The following VAPA variants were observed in gnomAD, a reference collection of about 807,000 sequenced individuals.
The protein encoded by VAPA is vesicle-associated membrane protein-associated protein A.
VAPA carries 6 observed loss-of-function variants against 25.6 expected under a neutral mutation model. The observed-to-expected ratio is 0.23, with a 90% CI of 0.13 to 0.46. VAPA has a LOEUF of 0.46. Ranked by LOEUF, VAPA falls within the 20% of genes least tolerant of loss-of-function variation. The pLI is 0.99. For missense variants in VAPA, 244 were observed against 302.1 expected (o/e 0.81, Z 1.43); for synonymous variants, 112 against 106.2 (o/e 1.05, Z -0.34).
In VAPA at chr18:9,954,400, C is replaced by T; in HGVS notation, c.*189C>T. 1 of 561,132 alleles carries T rather than the reference C, an allele frequency of 1.8e-6. No homozygotes were observed. The highest frequency in any genetic ancestry group is 2.5e-5 in the South Asian group (1 of 39,994). 34.8% of individuals were successfully genotyped at this position (561,132 alleles called of 1,614,324 possible). ...ACAATAAAAACAAACTGTTCGGCTA[C>T]TGGACAGGTTGTATATTACCAGATC... On this transcript the variant is annotated 3_prime_UTR_variant, in exon 6 of 6. Coordinates refer to ENST00000400000, the MANE Select transcript of VAPA (RefSeq NM_194434.3).
chr18:9,945,549 A>G (rs1248057223), intron 4 of VAPA, among the ~76,000 whole-genome samples: 3 of 151,350 alleles, frequency 2.0e-5, no homozygotes, highest in South Asian at 2.1e-4. Flanking sequence ...TTTGGTAGAG[A>G]TGGGGTTTCA....
In VAPA at chr18:9,945,073, G is replaced by T. The variant is rs760681055; in HGVS notation, c.418-5322G>T. 8.7e-6 allele frequency: 14 copies of T among 1,611,880 alleles called. No individual in the cohort carries two copies. In the South Asian group the frequency reaches 1.5e-4, roughly 18 times the overall value. ...AGAAACAGAAGGTTTGTTATAGGGA[G>T]TTAACAGACTTAGGAGTCTACTAGT... is the stretch of plus-strand genomic sequence containing the variant. On this transcript the variant is annotated intron_variant, in intron 4 of 5. Coordinates refer to ENST00000400000, the MANE Select transcript of VAPA (RefSeq NM_194434.3).
intron 1 of VAPA, among the ~76,000 whole-genome samples, chr18:9,916,562 A>G (rs1374447094): frequency 6.6e-6 from 1 of 152,186 alleles, no homozygotes; most frequent in Non-Finnish European, 1.5e-5. Flanking sequence ...AAAGATGGAG[A>G]TGATGGGGAG....
rs1457902140 is a variant in VAPA at position 9,958,729 on chromosome 18, T to A, written c.*4518T>A. ...GGGAACTTAAAATACTTATTTTTCTTTAAACTGCAGGAGTCACTGTTAGGT... is the reference window on the plus strand; with the variant it reads ...GGGAACTTAAAATACTTATTTTTCTATAAACTGCAGGAGTCACTGTTAGGT... On this transcript the variant is annotated 3_prime_UTR_variant, in exon 6 of 6. Coordinates refer to ENST00000400000, the MANE Select transcript of VAPA (RefSeq NM_194434.3). 1 of 152,212 alleles carries A rather than the reference T, an allele frequency of 6.6e-6. No individual in the cohort carries two copies. Among genetic ancestry groups the A allele is most frequent in the Non-Finnish European group, 1.5e-5 (1 of 68,030 alleles). 9.4% of individuals were successfully genotyped at this position (152,212 alleles called of 1,614,324 possible). A position where few individuals can be genotyped will look rare whatever the true frequency, so the allele number is the denominator to read the frequency against.
chr18:9,918,486 C>T (rs2069130717), intron 1 of VAPA, among the ~76,000 whole-genome samples: 1 of 152,074 alleles, frequency 6.6e-6, no homozygotes, highest in Non-Finnish European at 1.5e-5. Flanking sequence ...CTTACTTGAC[C>T]TCCCCCTGGC....
At chr18:9,950,609 G>T in intron 5 of VAPA, 41 bp downstream of exon 5, 1 of 1,594,738 alleles carries the variant, frequency 6.3e-7, no homozygotes, top group Non-Finnish European at 8.5e-7. Context: ...TGAAATGAAG[G>T]TATAGGACAT....
chr18:9,932,762 C>T (rs927782478), intron 2 of VAPA, among the ~76,000 whole-genome samples: 1 of 152,186 alleles, frequency 6.6e-6, no homozygotes, highest in African/African-American at 2.4e-5. Flanking sequence ...GGAGCAGGAA[C>T]ACACATGGAT....
At chr18:9,926,827 A>G (rs989023640) in intron 1 of VAPA, among the ~76,000 whole-genome samples, 1 of 152,144 alleles carries the variant, frequency 6.6e-6, no homozygotes, top group South Asian at 2.1e-4. Context: ...TCACTATTTA[A>G]TACATTCTTG....
intron 1 of VAPA, among the ~76,000 whole-genome samples, chr18:9,931,559 G>A (rs922314082): frequency 6.6e-6 from 1 of 152,110 alleles, no homozygotes; most frequent in African/African-American, 2.4e-5. Context: ...AAGTTTCATA[G>A]TACTTTTTTG....
intron 1 of VAPA, among the ~76,000 whole-genome samples, chr18:9,931,212 G>C (rs1365892006): frequency 1.3e-5 from 2 of 152,136 alleles, no homozygotes; most frequent in Non-Finnish European, 2.9e-5. Context: ...CAGCAAAATG[G>C]ATCAGCCTTT....
At chr18:9,946,936 T>A (rs992834311) in intron 4 of VAPA, among the ~76,000 whole-genome samples, 3 of 152,250 alleles carry the variant, frequency 2.0e-5, no homozygotes, top group African/African-American at 7.2e-5. Context: ...TTCTATTTTT[T>A]AAATAAGATT....
rs574066364 is a variant in VAPA, at chr18:9,918,529, A to C, written c.79+4194A>C. Among the ~76,000 whole-genome samples the C allele has an allele frequency of 2.6e-3, 391 of 152,134 alleles. 6 individuals carry two copies. The highest frequency in any genetic ancestry group is 1.3e-3 in the Non-Finnish European group (89 of 68,002). ...AGTACCGACAGTTTCTCTAAAAAAA[A>C]CCCTCAATTCTTCTGGCTTCTATAA... On this transcript the variant is annotated intron_variant, in intron 1 of 5. Coordinates refer to ENST00000400000, the MANE Select transcript of VAPA (RefSeq NM_194434.3).
At chr18:9,945,265 A>G (rs2069410018) in intron 4 of VAPA, among the ~76,000 whole-genome samples, 1 of 152,068 alleles carries the variant, frequency 6.6e-6, no homozygotes, top group South Asian at 2.1e-4. Flanking sequence ...AACTTAACTA[A>G]AATCTATATA....
intron 4 of VAPA, chr18:9,950,074 T>G (rs1341876573): frequency 1.3e-5 from 3 of 235,576 alleles, no homozygotes; most frequent in African/African-American, 7.0e-5. Context: ...ATAACTACTC[T>G]TGACCAAAGT....
rs1007608634 is a variant in VAPA, at chr18:9,936,366, TAAAG to T, written c.336+156_336+159del. 1.5e-5 allele frequency: 7 copies of T among 454,468 alleles called. No homozygotes were observed. In the South Asian group the frequency reaches 2.4e-4, roughly 15 times the overall value. 28.2% of individuals were successfully genotyped at this position (454,468 alleles called of 1,614,324 possible). ...TTCTTCATTATAGATAATCCTAACT[TAAAG>T]AATGAAAGAATTTTTAAATAGTATT... On this transcript the variant is annotated intron_variant, in intron 3 of 5. Transcript: ENST00000400000.
At chr18:9,936,476 C>T (rs1229450827) in intron 3 of VAPA, 5 of 251,864 alleles carry the variant, frequency 2.0e-5, no homozygotes, top group Non-Finnish European at 3.7e-5. Context: ...TTTGGGAGGC[C>T]AAGATGGGAG....
rs2069540571 is a variant in VAPA, at chr18:9,955,613, G to A, written c.*1402G>A. 6.6e-6 allele frequency: 1 copy of A among 152,152 alleles called. No individual in the cohort carries two copies. Among genetic ancestry groups the A allele is most frequent in the African/African-American group, 2.4e-5 (1 of 41,436 alleles). The allele number at this position is 152,152 out of a possible 1,614,324, so 9.4% of individuals were successfully genotyped here. ...AAAAGGAAATTGGATTTTAGAACTG[G>A]ATGTGGTGCAGTGAAGTATTTTAGG... On this transcript the variant is annotated 3_prime_UTR_variant, in exon 6 of 6. Coordinates refer to ENST00000400000, the MANE Select transcript of VAPA (RefSeq NM_194434.3).
chr18:9,942,477 C>G (rs370055900), intron 4 of VAPA, among the ~76,000 whole-genome samples: 15 of 152,256 alleles, frequency 9.9e-5, no homozygotes, highest in East Asian at 1.9e-4. Flanking sequence ...CCCAGCCCCC[C>G]CTTCCTGTAT....
chr18:9,935,532 G>A (rs1024134176), intron 2 of VAPA, among the ~76,000 whole-genome samples: 1 of 152,208 alleles, frequency 6.6e-6, no homozygotes, highest in South Asian at 2.1e-4. Context: ...CTGAGATTGC[G>A]CCACTGCACT....
Sources: allele counts gnomAD v4.1 joint callset (sites outside exome capture counted in the v4.1 genomes callset), GRCh38; gene constraint gnomAD v4.1.1; transcripts MANE v1.5; gene names NCBI Gene and HGNC (gene_info 2026-07-23, HGNC 2026-07-21).